SYN2: variants seen among roughly 807,000 people sequenced by gnomAD.
SYN2 encodes synapsin-2.
A neutral mutation model predicts 50.9 loss-of-function variants in SYN2; 19 were observed. The observed-to-expected ratio is 0.37, with a 90% confidence interval of 0.26 to 0.55. The LOEUF is 0.55. Ranked by LOEUF, SYN2 falls within the 20% of genes least tolerant of loss-of-function variation. SYN2 has a pLI of 0.81. For synonymous variants in SYN2, 255 were observed against 224.9 expected (o/e 1.13, Z -1.20); for missense variants, 587 against 576.4 (o/e 1.02, Z -0.19).
intron 1 of SYN2, among the ~76,000 whole-genome samples, chr3:12,123,894 C>T (rs149879202): frequency 9.5e-4 from 144 of 152,150 alleles, no homozygotes; most frequent in African/African-American, 3.4e-3. Flanking sequence ...GCCTGTAGTC[C>T]CAACTACTCA....
At chr3:12,113,335 A>G (rs1365843298) in intron 1 of SYN2, among the ~76,000 whole-genome samples, 2 of 152,126 alleles carry the variant, frequency 1.3e-5, no homozygotes, top group Non-Finnish European at 2.9e-5. Flanking sequence ...CATTTTCTCC[A>G]TAATATTTGT....
intron 5 of SYN2, among the ~76,000 whole-genome samples, chr3:12,155,100 A>G (rs1397181003): frequency 3.2e-5 from 2 of 61,542 alleles, no homozygotes; most frequent in African/African-American, 9.5e-5. Context: ...AGACCCTTTC[A>G]GTGCCACCTC....
chr3:12,070,439 T>A, intron 1 of SYN2: 1 of 555,714 alleles, frequency 1.8e-6, no homozygotes, highest in South Asian at 1.5e-5. Context: ...ATTGGGACTC[T>A]GACCCCATTG....
At chr3:12,053,400 A>G (rs1011073058) in intron 1 of SYN2, among the ~76,000 whole-genome samples, 1 of 152,160 alleles carries the variant, frequency 6.6e-6, no homozygotes, top group Non-Finnish European at 1.5e-5. Flanking sequence ...CAGCCTGGGC[A>G]ACAGTGCGAG....
rs897047449 is a variant in SYN2 at position 12,183,813 on chromosome 3, A to T, written c.1369+441A>T. On this transcript the variant is annotated intron_variant, in intron 11 of 12. Transcript: ENST00000621198. Reference sequence around the variant, plus strand: ...GAGTAGGGGGGTGGACAGGGGAGAAACGAAAACCACAAAAAGAAAACCCAA... The same window carrying T: ...GAGTAGGGGGGTGGACAGGGGAGAATCGAAAACCACAAAAAGAAAACCCAA... The T allele has an allele frequency of 5.8e-6, 6 of 1,029,084 alleles. No individual in the cohort carries two copies. The African/African-American group carries it at 1.0e-4, about 18-fold the overall frequency. The allele number at this position is 1,029,084 out of a possible 1,614,324, so 63.7% of individuals were successfully genotyped here. A position where few individuals can be genotyped will look rare whatever the true frequency, so the allele number is the denominator to read the frequency against.
intron 1 of SYN2, among the ~76,000 whole-genome samples, chr3:12,110,467 T>C (rs773732116): frequency 1.3e-5 from 2 of 152,178 alleles, no homozygotes. Context: ...ACAGCTCCAC[T>C]AGGTGATGCC....
At chr3:12,068,413 A>C (rs1432892933) in intron 1 of SYN2, among the ~76,000 whole-genome samples, 1 of 152,260 alleles carries the variant, frequency 6.6e-6, no homozygotes, top group Non-Finnish European at 1.5e-5. Context: ...CCCTGAAAGC[A>C]TTTGGAATTT....
intron 11 of SYN2, chr3:12,184,724 C>G (rs1010380907): frequency 1.0e-6 from 1 of 985,792 alleles, no homozygotes; most frequent in Non-Finnish European, 1.2e-6. Flanking sequence ...TTCCCTCTGA[C>G]AAGCAGCACC....
At chr3:12,087,779 C>A (rs976820506) in intron 1 of SYN2, among the ~76,000 whole-genome samples, 1 of 151,780 alleles carries the variant, frequency 6.6e-6, no homozygotes, top group East Asian at 1.9e-4. Context: ...GTAACCCATG[C>A]GTTTATGATC....
At chr3:12,017,654 ATGAT>A (rs1277740275) in intron 1 of SYN2, among the ~76,000 whole-genome samples, 2 of 152,224 alleles carry the variant, frequency 1.3e-5, no homozygotes, top group Non-Finnish European at 2.9e-5. Context: ...GTCTAACAAT[ATGAT>A]TGACACTTGA....
intron 1 of SYN2, among the ~76,000 whole-genome samples, chr3:12,026,575 G>T (rs978658090): frequency 1.3e-5 from 2 of 152,170 alleles, no homozygotes; most frequent in African/African-American, 4.8e-5. Context: ...TGGAGTAGGA[G>T]ATTAGGGGAG....
At chr3:12,022,580 G>C (rs1694165236) in intron 1 of SYN2, among the ~76,000 whole-genome samples, 1 of 151,242 alleles carries the variant, frequency 6.6e-6, no homozygotes, top group Non-Finnish European at 1.5e-5. Context: ...GCTAATTTTT[G>C]TATTTTTTTA....
At chr3:12,028,235 A>C (rs1574895695) in intron 1 of SYN2, among the ~76,000 whole-genome samples, 2 of 151,882 alleles carry the variant, frequency 1.3e-5, no homozygotes, top group South Asian at 4.2e-4. Context: ...TTAGTATTCC[A>C]TGGTGTATAT....
chr3:12,080,398 T>C (rs1310638253), intron 1 of SYN2, among the ~76,000 whole-genome samples: 1 of 151,978 alleles, frequency 6.6e-6, no homozygotes, highest in Non-Finnish European at 1.5e-5. Context: ...TGATGTTAGG[T>C]TGTCGATTTG....
At chr3:12,090,991 G>T (rs577871508) in intron 1 of SYN2, among the ~76,000 whole-genome samples, 15 of 152,230 alleles carry the variant, frequency 9.9e-5, no homozygotes, top group African/African-American at 3.1e-4. Flanking sequence ...TTTAATATCA[G>T]CATGTTTTAA....
At chr3:12,185,580 T>C in intron 11 of SYN2, 3 of 985,914 alleles carry the variant, frequency 3.0e-6, no homozygotes, top group Non-Finnish European at 3.6e-6. Flanking sequence ...TCAGGTGTTT[T>C]GTACCTATTT....
intron 1 of SYN2, among the ~76,000 whole-genome samples, chr3:12,059,300 C>T (rs923535489): frequency 6.6e-6 from 1 of 152,062 alleles, no homozygotes; most frequent in African/African-American, 2.4e-5. Flanking sequence ...TTGGTTTTGG[C>T]CTAAAAGGGT....
intron 1 of SYN2, 98 bp downstream of exon 1, chr3:12,005,026 C>A: frequency 7.7e-6 from 3 of 391,724 alleles, no homozygotes; most frequent in South Asian, 7.7e-5. Flanking sequence ...CGTTTCAGAC[C>A]AATAAAAAGG....
intron 1 of SYN2, among the ~76,000 whole-genome samples, chr3:12,020,379 TC>T (rs1268623557): frequency 7.3e-6 from 1 of 137,218 alleles, no homozygotes; most frequent in South Asian, 2.7e-4. Context: ...TCTTCTTCTG[TC>T]CCCCCAGTTG....
Sources: gnomAD v4.1 joint callset for allele counts (sites outside exome capture counted in the v4.1 genomes callset) on GRCh38, gnomAD v4.1.1 for gene constraint, MANE v1.5 for transcripts, NCBI Gene and HGNC (gene_info 2026-07-23, HGNC 2026-07-21) for gene names.